KIR2DL1: variants seen among roughly 807,000 people sequenced by gnomAD.
KIR2DL1 encodes killer cell immunoglobulin-like receptor 2DL1.
KIR2DL1 carries 38 observed loss-of-function variants against 33.9 expected under a neutral mutation model. That is an observed-to-expected ratio of 1.12 (90% CI 0.86 to 1.47). KIR2DL1 has a LOEUF of 1.47. KIR2DL1 is among the 40% of genes most tolerant of loss of function. The pLI is 0.00. For synonymous variants in KIR2DL1, 179 were observed against 165.9 expected (o/e 1.08, Z -0.61); for missense variants, 531 against 433.9 (o/e 1.22, Z -1.99).
chr19:54,784,052 T>C lies in KIR2DL1; in HGVS notation c.*239T>C. The C allele has an allele frequency of 3.0e-6, 2 of 666,436 alleles. No homozygotes were observed. Among genetic ancestry groups the C allele is most frequent in the Non-Finnish European group, 5.1e-6 (2 of 394,696 alleles). 41.3% of individuals were successfully genotyped at this position (666,436 alleles called of 1,614,324 possible). On this transcript the variant is annotated 3_prime_UTR_variant, in exon 8 of 8. Coordinates refer to ENST00000336077, the MANE Select transcript of KIR2DL1 (RefSeq NM_014218.3). ...CCTTTGCTTAACCCACAGTTCTCCA[T>C]TTCACTTGACCCCTGCCCACCTCTC...
chr19:54,782,346 A>T (rs1005019890), intron 5 of KIR2DL1, among the ~76,000 whole-genome samples: 15 of 151,952 alleles, frequency 9.9e-5, no homozygotes, highest in Non-Finnish European at 2.9e-5. Context: ...TAAAGAAAAG[A>T]GATTGGTTTG....
At chr19:54,777,124 C>T (rs1389663198) in intron 4 of KIR2DL1, among the ~76,000 whole-genome samples, 1 of 151,538 alleles carries the variant, frequency 6.6e-6, no homozygotes, top group African/African-American at 2.4e-5. Flanking sequence ...GAGTTTTGCT[C>T]TTCTCACCCA....
chr19:54,780,834 A>C (rs2076856011), intron 5 of KIR2DL1, among the ~76,000 whole-genome samples: 1 of 125,460 alleles, frequency 8.0e-6, no homozygotes, highest in Non-Finnish European at 1.7e-5. Flanking sequence ...CTGGCAAAGG[A>C]GTGACAGATA....
rs1265498630 is a variant in KIR2DL1 at position 54,782,661 on chromosome 19, C to G, written c.716-261C>G. Among the ~76,000 whole-genome samples, 2 of 152,014 alleles carry G rather than the reference C, an allele frequency of 1.3e-5. 1 individual carries two copies. Among genetic ancestry groups the G allele is most frequent in the Non-Finnish European group, 2.9e-5 (2 of 67,998 alleles). ...CCAAACACCTCTCAAGAGGCCCAAC[C>G]TCCCACAGTGGGGGTGAAATTTCAA... On this transcript the variant is annotated intron_variant, in intron 5 of 7. Coordinates refer to ENST00000336077, the MANE Select transcript of KIR2DL1 (RefSeq NM_014218.3).
chr19:54,782,484 C>G (rs912424415), intron 5 of KIR2DL1, among the ~76,000 whole-genome samples: 2 of 152,004 alleles, frequency 1.3e-5, no homozygotes, highest in African/African-American at 2.4e-5. Flanking sequence ...AGAGATCACA[C>G]GGCAAGAGAG....
At chr19:54,770,068 T>A (rs999770259) in intron 1 of KIR2DL1, among the ~76,000 whole-genome samples, 184 bp downstream of exon 1, 1 of 135,450 alleles carries the variant, frequency 7.4e-6, no homozygotes, top group African/African-American at 2.8e-5. Context: ...GAGGTCGAGA[T>A]ATAGGCCTGG....
At chr19:54,772,329 G>C (rs1182620900) in intron 2 of KIR2DL1, among the ~76,000 whole-genome samples, 1 of 147,658 alleles carries the variant, frequency 6.8e-6, no homozygotes, top group East Asian at 2.0e-4. Flanking sequence ...GTGGCCTATA[G>C]AGGCTGGAAA....
At position 54,772,986 on chromosome 19, in the gene KIR2DL1, A is replaced by C. The variant is rs963742544; in HGVS notation, c.71-347A>C. 4.7e-5 allele frequency among the ~76,000 whole-genome samples: 7 copies of C among 148,250 alleles called. 1 individual carries two copies. The highest frequency in any genetic ancestry group is 1.1e-4 in the Non-Finnish European group (7 of 66,168). ...ATTCCAATTCGTCCAAAAGAGATTGAACCAGGCTGCTAAGAGCCTGGATGT... is the reference window on the plus strand; with the variant it reads ...ATTCCAATTCGTCCAAAAGAGATTGCACCAGGCTGCTAAGAGCCTGGATGT... On this transcript the variant is annotated intron_variant, in intron 2 of 7. Coordinates refer to ENST00000336077, the MANE Select transcript of KIR2DL1 (RefSeq NM_014218.3).
At chr19:54,782,787 C>A (rs2077154939) in intron 5 of KIR2DL1, 135 bp from the exon 6 acceptor site, 2 of 880,950 alleles carry the variant, frequency 2.3e-6, no homozygotes, top group Non-Finnish European at 3.7e-6. Context: ...CAGGAGAAAG[C>A]TGGGTCTCCT....
chr19:54,775,865 G>A (rs914875125), intron 4 of KIR2DL1, among the ~76,000 whole-genome samples: 9 of 148,752 alleles, frequency 6.1e-5, no homozygotes, highest in East Asian at 5.8e-4. Context: ...TATTTATTGA[G>A]GATAAATATA....
In KIR2DL1 at chr19:54,773,484, A is replaced by C; in HGVS notation, c.222A>C (p.Gly74=). 6.3e-7 allele frequency: 1 copy of C among 1,586,666 alleles called. No individual in the cohort carries two copies. The highest frequency in any genetic ancestry group is 8.6e-7 in the Non-Finnish European group (1 of 1,158,230). The part of the protein sequence containing the change: ...GMFNDTLRLI[G]EHHDGVSKAN... The stretch of plus-strand genomic sequence containing the variant: ...TTAACGACACTTTGCGCCTCATTGG[A>C]GAACACCATGATGGGGTCTCCAAGG... The change falls in exon 3 of 8, where the codon GGA becomes GGC. Residue 74 remains glycine (G), a synonymous_variant. Transcript: ENST00000336077.
At chr19:54,777,224 G>T (rs771737385) in intron 4 of KIR2DL1, among the ~76,000 whole-genome samples, 67 of 149,570 alleles carry the variant, frequency 4.5e-4, no homozygotes, top group South Asian at 8.4e-4. Context: ...CCGAGTAGCT[G>T]GAATTACAGG....
intron 4 of KIR2DL1, among the ~76,000 whole-genome samples, chr19:54,776,237 TTATA>T (rs58651549): frequency 2.2e-3 from 316 of 141,212 alleles, no homozygotes; most frequent in African/African-American, 7.8e-3. Flanking sequence ...AAATACATTT[TTATA>T]TATATATATA....
chr19:54,770,334 GA>G (rs1377838402), intron 1 of KIR2DL1, among the ~76,000 whole-genome samples: 1 of 145,310 alleles, frequency 6.9e-6, no homozygotes, highest in East Asian at 2.0e-4. Context: ...GCCTGGAGTG[GA>G]GATATGGGCC....
intron 3 of KIR2DL1, among the ~76,000 whole-genome samples, chr19:54,774,353 AGTG>A (rs59552760): frequency 0.52 from 74,602 of 142,370 alleles, 17,997 homozygotes; most frequent in Middle Eastern, 0.64. Context: ...AGGGCAGAGG[AGTG>A]GTGAGAATGA....
At position 54,770,809 on chromosome 19, in the gene KIR2DL1, T is replaced by G. The variant is rs202233196; in HGVS notation, c.35-40T>G. 5.8e-5 allele frequency: 91 copies of G among 1,581,124 alleles called. 11 individuals are homozygous for G. The African/African-American group carries it at 1.2e-3, about 20-fold the overall frequency. ...TGGGGGCAGCAAGGGTGCCCTGGTTTGCCTGCAGATGGGTCATCCATCATG... is the reference window on the plus strand; with the variant it reads ...TGGGGGCAGCAAGGGTGCCCTGGTTGGCCTGCAGATGGGTCATCCATCATG... On this transcript the variant is annotated intron_variant, in intron 1 of 7. Transcript: ENST00000336077.
At chr19:54,777,539 G>A (rs10416818) in intron 4 of KIR2DL1, among the ~76,000 whole-genome samples, 1,590 of 149,872 alleles carry the variant, frequency 0.011, 35 homozygotes, top group African/African-American at 0.035. Flanking sequence ...GTTTTATTGA[G>A]TTGTTTGAGC....
Position 54,773,878 on chromosome 19 carries a change from C to T in KIR2DL1, c.370+246C>T, listed in dbSNP as rs2076045221. Among the ~76,000 whole-genome samples, 2 of 148,524 alleles carry T rather than the reference C, an allele frequency of 1.3e-5. 1 individual carries two copies. Among genetic ancestry groups the T allele is most frequent in the Admixed American group, 1.4e-4 (2 of 14,724 alleles). On this transcript the variant is annotated intron_variant, in intron 3 of 7. Transcript: ENST00000336077. ...AAAAGACAGAAAGAGTTAAAGGAGA[C>T]ACACAGACAGACATGTCCCAGAGAG...
intron 4 of KIR2DL1, among the ~76,000 whole-genome samples, chr19:54,776,691 G>A (rs1390869659): frequency 1.4e-5 from 2 of 142,384 alleles, no homozygotes; most frequent in African/African-American, 2.6e-5. Context: ...CCAAGCTGGA[G>A]TCAAAGTGGT....
Sources: allele counts gnomAD v4.1 joint callset (sites outside exome capture counted in the v4.1 genomes callset), GRCh38; gene constraint gnomAD v4.1.1; transcripts MANE v1.5; gene names NCBI Gene and HGNC (gene_info 2026-07-23, HGNC 2026-07-21).